SUGCT: variants seen among roughly 807,000 people sequenced by gnomAD.
The protein encoded by SUGCT is succinyl-CoA:glutarate-CoA transferase, also known as succinyl-CoA:glutarate CoA-transferase.
In SUGCT, 41 loss-of-function variants were observed where a neutral mutation model predicts 55.0. That is an observed-to-expected ratio of 0.74 (90% CI 0.58 to 0.97). The LOEUF (loss-of-function observed/expected upper bound fraction) is 0.97. Among genes scored for constraint, SUGCT ranks in the 50% least tolerant of loss-of-function variants. The pLI is 0.00. For missense variants in SUGCT, 568 were observed against 547.8 expected, an observed-to-expected ratio of 1.04 and a Z score of -0.37; for synonymous variants, 187 against 200.4, an observed-to-expected ratio of 0.93 and a Z score of 0.56.
intron 12 of SUGCT, among the ~76,000 whole-genome samples, chr7:40,691,540 T>C (rs1159005223): frequency 3.3e-5 from 5 of 152,162 alleles, no homozygotes; most frequent in Admixed American, 6.6e-5. Context: ...ATACGCTAGA[T>C]ATATCAAAAG....
At chr7:40,655,751 A>G (rs1800988437) in intron 12 of SUGCT, among the ~76,000 whole-genome samples, 1 of 152,224 alleles carries the variant, frequency 6.6e-6, no homozygotes, top group Non-Finnish European at 1.5e-5. Context: ...ATAAAAATAT[A>G]TGCCAGGAGA....
intron 8 of SUGCT, among the ~76,000 whole-genome samples, chr7:40,280,769 G>T (rs574298661): frequency 3.3e-5 from 5 of 152,130 alleles, no homozygotes; most frequent in Admixed American, 2.0e-4. Context: ...TTTTATTGAG[G>T]TATATATTAC....
chr7:40,838,489 C>G (rs1563039545), intron 13 of SUGCT, among the ~76,000 whole-genome samples: 1 of 152,124 alleles, frequency 6.6e-6, no homozygotes, highest in Non-Finnish European at 1.5e-5. Flanking sequence ...TAATTTTATA[C>G]CTATTTCATT....
At chr7:41,026,697 G>A in the SUGCT span, among the ~76,000 whole-genome samples, 1 of 152,190 alleles carries the variant, frequency 6.6e-6, no homozygotes, top group South Asian at 2.1e-4. Context: ...AAAGGCGCCA[G>A]CTTAATTCAG....
At position 40,736,474 on chromosome 7, in the gene SUGCT, A is replaced by G. The variant is rs145563648; in HGVS notation, c.1090-12960A>G. Reference sequence around the variant, plus strand: ...TTTTCAGACTCAGGAAGTCCTAAAGACTACATGGATTCAGTAAAAATTAAA... The same window carrying G: ...TTTTCAGACTCAGGAAGTCCTAAAGGCTACATGGATTCAGTAAAAATTAAA... On this transcript the variant is annotated intron_variant, in intron 12 of 13. Coordinates refer to ENST00000335693, the MANE Select transcript of SUGCT (RefSeq NM_001193313.2). Among the ~76,000 whole-genome samples the G allele has an allele frequency of 3.5e-3, 538 of 151,796 alleles. 1 individual carries two copies. The highest frequency in any genetic ancestry group is 6.8e-3 in the Middle Eastern group (2 of 294).
intron 12 of SUGCT, among the ~76,000 whole-genome samples, chr7:40,623,735 T>A: frequency 6.6e-6 from 1 of 151,734 alleles, no homozygotes; most frequent in South Asian, 2.1e-4. Flanking sequence ...TACACACACA[T>A]ACACACACAC....
rs554540670 is a variant in SUGCT, at chr7:40,359,711, T to C, written c.816+42856T>C. ...GTGTTTACCCTTCTGAACCTTCATT[T>C]CTTCCCCTGAGAAGTTGTAATATGA... On this transcript the variant is annotated intron_variant, in intron 9 of 13. Transcript: ENST00000335693. 1.5e-4 allele frequency among the ~76,000 whole-genome samples: 23 copies of C among 152,296 alleles called. No homozygotes were observed. In the South Asian group the frequency reaches 4.8e-3, roughly 32 times the overall value.
chr7:40,219,092 C>T (rs574548433), intron 6 of SUGCT, among the ~76,000 whole-genome samples: 159 of 152,302 alleles, frequency 1.0e-3, no homozygotes, highest in African/African-American at 3.5e-3. Flanking sequence ...AGACCATGAA[C>T]CCACCTGGAG....
At chr7:40,848,751 C>G (rs569485778) in intron 13 of SUGCT, among the ~76,000 whole-genome samples, 2 of 152,116 alleles carry the variant, frequency 1.3e-5, no homozygotes, top group East Asian at 1.9e-4. Flanking sequence ...CGCCTGGTCC[C>G]GTAAGCAGTG....
chr7:40,878,538 A>C, the SUGCT span, among the ~76,000 whole-genome samples: 1 of 152,200 alleles, frequency 6.6e-6, no homozygotes, highest in African/African-American at 2.4e-5. Flanking sequence ...CTTGGGCACC[A>C]GTACCCACAT....
rs190104417 is a variant in SUGCT, at chr7:40,589,558, G to A, written c.1089+93172G>A. ...TTAATGAAGGCAGAGCCCTCAATAT[G>A]TAAACACATCCCATTAGGCCCCACC... On this transcript the variant is annotated intron_variant, in intron 12 of 13. Transcript: ENST00000335693. Among the ~76,000 whole-genome samples the A allele has an allele frequency of 1.3e-3, 197 of 152,246 alleles. 1 individual carries two copies. Among genetic ancestry groups the A allele is most frequent in the African/African-American group, 4.5e-3 (189 of 41,544 alleles).
intron 1 of SUGCT, among the ~76,000 whole-genome samples, chr7:40,155,022 C>T (rs768832917): frequency 4.6e-5 from 7 of 152,178 alleles, no homozygotes; most frequent in Non-Finnish European, 1.0e-4. Context: ...CGTGGTGGCT[C>T]ACGCCTGTAA....
intron 9 of SUGCT, among the ~76,000 whole-genome samples, chr7:40,380,469 G>A (rs1423908901): frequency 2.0e-5 from 3 of 152,040 alleles, no homozygotes; most frequent in Non-Finnish European, 2.9e-5. Flanking sequence ...ATGTCACTCC[G>A]GCATATGGCT....
intron 12 of SUGCT, among the ~76,000 whole-genome samples, chr7:40,647,686 A>G (rs1800588643): frequency 6.6e-6 from 1 of 152,082 alleles, no homozygotes; most frequent in African/African-American, 2.4e-5. Flanking sequence ...CCCTGTCTCT[A>G]TTTAAACTAC....
chr7:40,582,883 A>AT (rs1178667345), intron 12 of SUGCT, among the ~76,000 whole-genome samples: 1 of 152,140 alleles, frequency 6.6e-6, no homozygotes, highest in Admixed American at 6.5e-5. Flanking sequence ...AATACAGGGC[A>AT]TTTTCTATAA....
intron 7 of SUGCT, among the ~76,000 whole-genome samples, chr7:40,268,237 T>C (rs994092563): frequency 1.3e-5 from 2 of 152,156 alleles, no homozygotes; most frequent in Non-Finnish European, 2.9e-5. Flanking sequence ...AGAAACCTCT[T>C]ACCTATTTGT....
At chr7:40,349,658 C>G (rs1023576439) in intron 9 of SUGCT, among the ~76,000 whole-genome samples, 4 of 150,996 alleles carry the variant, frequency 2.6e-5, no homozygotes, top group Non-Finnish European at 5.9e-5. Context: ...TCACTCATTC[C>G]TCTAAGAAGT....
chr7:40,316,526 C>T (rs1304010177), intron 8 of SUGCT, among the ~76,000 whole-genome samples: 1 of 152,096 alleles, frequency 6.6e-6, no homozygotes, highest in African/African-American at 2.4e-5. Context: ...AGGGGTTGAA[C>T]GTTTATGTAT....
chr7:40,708,426 C>T (rs185362826), intron 12 of SUGCT, among the ~76,000 whole-genome samples: 210 of 152,258 alleles, frequency 1.4e-3, no homozygotes, highest in African/African-American at 4.7e-3. Context: ...TTCTGGAAGC[C>T]GTTAGTGTTT....
Sources: gnomAD v4.1 joint callset for allele counts (sites outside exome capture counted in the v4.1 genomes callset) on GRCh38, gnomAD v4.1.1 for gene constraint, MANE v1.5 for transcripts, NCBI Gene and HGNC (gene_info 2026-07-23, HGNC 2026-07-21) for gene names.